PXK: variants seen among roughly 807,000 people sequenced by gnomAD.
PXK encodes PX domain containing serine/threonine kinase like.
PXK carries 35 observed loss-of-function variants against 84.7 expected under a neutral mutation model. That is an observed-to-expected ratio of 0.41 (90% CI 0.32 to 0.55). PXK has a LOEUF of 0.55. Ranked by LOEUF, PXK falls within the 20% of genes least tolerant of loss-of-function variation. The probability of loss-of-function intolerance (pLI) is 0.21; values close to 1 mark genes in which losing one functional copy is unlikely to be tolerated. For synonymous variants in PXK, 253 were observed against 260.8 expected, an observed-to-expected ratio of 0.97 and a Z score of 0.29; for missense variants, 634 against 699.7, an observed-to-expected ratio of 0.91 and a Z score of 1.06.
rs1256830464 is a variant in PXK at position 58,397,917 on chromosome 3, A to G, written c.1102+195A>G. On this transcript the variant is annotated intron_variant, in intron 11 of 17. Transcript: ENST00000356151. This position sits in a 1 kb window ranked among gnomAD's most constrained non-coding sequence, Gnocchi z 4.7. ...CTGTGAAAATTCAGGTGGCTTGTCC[A>G]TTTGCCAGGCTATCTGAAATTTCTG... 1.3e-5 allele frequency among the ~76,000 whole-genome samples: 2 copies of G among 152,342 alleles called. No individual in the cohort carries two copies. The highest frequency in any genetic ancestry group is 1.9e-4 in the East Asian group (1 of 5,186).
intron 12 of PXK, among the ~76,000 whole-genome samples, chr3:58,402,848 G>A (rs1394886500): frequency 6.7e-6 from 1 of 149,710 alleles, no homozygotes; most frequent in East Asian, 2.0e-4. Flanking sequence ...ACATGCGAAA[G>A]TTTGCTACAT....
intron 9 of PXK, among the ~76,000 whole-genome samples, 179 bp downstream of exon 9, chr3:58,395,938 A>C (rs1055557597): frequency 6.6e-6 from 1 of 152,238 alleles, no homozygotes; most frequent in Non-Finnish European, 1.5e-5. Context: ...ACAGTCACTT[A>C]TGTCTACAAA....
rs1004043253 is a variant in PXK, at chr3:58,379,947, G to A, written c.202-2567G>A. On this transcript the variant is annotated intron_variant, in intron 3 of 17. Coordinates refer to ENST00000356151, the MANE Select transcript of PXK (RefSeq NM_017771.5). This position sits in a 1 kb window ranked among gnomAD's most constrained non-coding sequence, Gnocchi z 5.1. ...TGATCATGCCACTGCACTTTAGCCT[G>A]GGTGACAGGGTGAGAACCTGTCTCA... Among the ~76,000 whole-genome samples the A allele has an allele frequency of 6.6e-6, 1 of 151,946 alleles. No homozygotes were observed. The highest frequency in any genetic ancestry group is 1.5e-5 in the Non-Finnish European group (1 of 68,010).
chr3:58,417,461 C>T (rs1400442139), intron 17 of PXK, among the ~76,000 whole-genome samples: 4 of 152,104 alleles, frequency 2.6e-5, no homozygotes, highest in Admixed American at 2.0e-4. Context: ...GGTTGGGGCC[C>T]CTCCCTTTTC....
chr3:58,334,106 T>C (rs2097546117), intron 1 of PXK, among the ~76,000 whole-genome samples: 1 of 152,188 alleles, frequency 6.6e-6, no homozygotes, highest in African/African-American at 2.4e-5. Context: ...ATCTGGAGGC[T>C]AAAGCTCACA....
chr3:58,371,523 T>C (rs1331957559), intron 3 of PXK, among the ~76,000 whole-genome samples: 3 of 152,204 alleles, frequency 2.0e-5, no homozygotes, highest in East Asian at 1.9e-4. Context: ...CTTTGTACAA[T>C]GTCATTCAGC....
At position 58,397,234 on chromosome 3, in the gene PXK, T is replaced by A. The variant is rs1281252313; in HGVS notation, c.984+34T>A. The A allele has an allele frequency of 6.3e-7, 1 of 1,599,202 alleles. No homozygotes were observed. On this transcript the variant is annotated intron_variant, in intron 10 of 17. Transcript: ENST00000356151. The surrounding 1 kb of genome is among the most constrained non-coding windows in gnomAD (Gnocchi z 4.7). ...CTAAAGTAATGAAATAGCAGGTTCA[T>A]TTTTAGGTGTCAGTTATCCCCATGA...
chr3:58,378,401 G>T (rs1428632350), intron 3 of PXK, among the ~76,000 whole-genome samples: 2 of 151,482 alleles, frequency 1.3e-5, no homozygotes, highest in African/African-American at 4.9e-5. Flanking sequence ...CTTGAATATG[G>T]GCTGATAACC....
At chr3:58,413,309 C>T (rs747703713) in intron 17 of PXK, 16 of 287,756 alleles carry the variant, frequency 5.6e-5, no homozygotes, top group Non-Finnish European at 9.4e-5. Context: ...CCAGGGGTCC[C>T]GTCCTGCCAG....
chr3:58,415,594 G>A (rs1016400781), intron 17 of PXK, among the ~76,000 whole-genome samples: 3 of 152,210 alleles, frequency 2.0e-5, no homozygotes, highest in East Asian at 1.9e-4. Context: ...TTATGGAGAC[G>A]TCATTGGATA....
At position 58,382,820 on chromosome 3, in the gene PXK, G is replaced by T. The variant is rs142010847; in HGVS notation, c.388+120G>T. On this transcript the variant is annotated intron_variant, in intron 4 of 17. Coordinates refer to ENST00000356151, the MANE Select transcript of PXK (RefSeq NM_017771.5). ...TGGGGATGTGTATACATTTGTTATA[G>T]CATATTATGAATTTACTAAGATTTT... 4.3e-6 allele frequency: 3 copies of T among 699,414 alleles called. No homozygotes were observed. The East Asian group carries it at 9.5e-5, about 22-fold the overall frequency. The allele number at this position is 699,414 out of a possible 1,614,324, so 43.3% of individuals were successfully genotyped here. A position where few individuals can be genotyped will look rare whatever the true frequency, so the allele number is the denominator to read the frequency against.
intron 3 of PXK, among the ~76,000 whole-genome samples, chr3:58,382,198 C>G (rs2098509983): frequency 6.6e-6 from 1 of 152,072 alleles, no homozygotes; most frequent in Non-Finnish European, 1.5e-5. Flanking sequence ...TGCCTGTAGT[C>G]CCAGCTACTC....
rs182847359 is a variant in PXK at position 58,385,165 on chromosome 3, G to A, written c.388+2465G>A. 1.3e-4 allele frequency among the ~76,000 whole-genome samples: 20 copies of A among 152,260 alleles called. No individual in the cohort carries two copies. Among genetic ancestry groups the A allele is most frequent in the Admixed American group, 1.3e-3 (20 of 15,300 alleles). On this transcript the variant is annotated intron_variant, in intron 4 of 17. Transcript: ENST00000356151. This position sits in a 1 kb window ranked among gnomAD's most constrained non-coding sequence, Gnocchi z 5.1. ...AGGCCTCCAGCATGGTAGAGAGTCA[G>A]GAGTCCAAAGCAGATGTGGGCAGGG...
intron 1 of PXK, among the ~76,000 whole-genome samples, chr3:58,340,199 T>C (rs898266703): frequency 2.0e-5 from 3 of 151,356 alleles, no homozygotes; most frequent in Non-Finnish European, 4.4e-5. Flanking sequence ...CTTGGCTTAC[T>C]GTAGCCTTGA....
chr3:58,379,695 G>T lies in PXK; in HGVS notation c.202-2819G>T, dbSNP rs1287635105. ...TTACATTCAAGGTGCTATTAAGGAA[G>T]AAAAAGAATAGAAAAGAGTACTTAC... On this transcript the variant is annotated intron_variant, in intron 3 of 17. Coordinates refer to ENST00000356151, the MANE Select transcript of PXK (RefSeq NM_017771.5). This position sits in a 1 kb window ranked among gnomAD's most constrained non-coding sequence, Gnocchi z 5.1. Among the ~76,000 whole-genome samples, 7 of 151,940 alleles carry T rather than the reference G, an allele frequency of 4.6e-5. No homozygotes were observed. The highest frequency in any genetic ancestry group is 1.5e-4 in the African/African-American group (6 of 41,340).
At chr3:58,413,929 A>T (rs1191749474) in intron 17 of PXK, 1 of 152,216 alleles carries the variant, frequency 6.6e-6, no homozygotes, top group Non-Finnish European at 1.5e-5. Flanking sequence ...TCCTAAGAAA[A>T]TGAGAGCAAG....
intron 1 of PXK, among the ~76,000 whole-genome samples, chr3:58,342,737 A>G (rs1190474390): frequency 1.3e-5 from 2 of 152,204 alleles, no homozygotes; most frequent in Non-Finnish European, 1.5e-5. Context: ...TGCATCTGAA[A>G]AATGTACTAT....
In PXK at chr3:58,379,893, G is replaced by A. The variant is rs999320363; in HGVS notation, c.202-2621G>A. Among the ~76,000 whole-genome samples, 4 of 152,078 alleles carry A rather than the reference G, an allele frequency of 2.6e-5. No individual in the cohort carries two copies. The highest frequency in any genetic ancestry group is 9.7e-5 in the African/African-American group (4 of 41,394). On this transcript the variant is annotated intron_variant, in intron 3 of 17. Coordinates refer to ENST00000356151, the MANE Select transcript of PXK (RefSeq NM_017771.5). The surrounding 1 kb of genome is among the most constrained non-coding windows in gnomAD (Gnocchi z 5.1). ...AGGCTGAGGTGACAGGATTGCTTGAGCTTAGGAGGTCGAGGCTACAGTGAG... is the reference window on the plus strand; with the variant it reads ...AGGCTGAGGTGACAGGATTGCTTGAACTTAGGAGGTCGAGGCTACAGTGAG...
intron 13 of PXK, among the ~76,000 whole-genome samples, chr3:58,405,451 G>T (rs1187849556): frequency 6.6e-6 from 1 of 152,150 alleles, no homozygotes; most frequent in Non-Finnish European, 1.5e-5. Context: ...GGCTGAGACA[G>T]GTGGATCATT....
Sources: allele counts gnomAD v4.1 joint callset (sites outside exome capture counted in the v4.1 genomes callset), GRCh38; gene constraint gnomAD v4.1.1; non-coding constraint Gnocchi (gnomAD v3.1); transcripts MANE v1.5; gene names NCBI Gene and HGNC (gene_info 2026-07-23, HGNC 2026-07-21).